The following SCUBE1 variants were observed in gnomAD, a reference collection of about 807,000 sequenced individuals.
SCUBE1 encodes the protein signal peptide, CUB and EGF-like domain-containing protein 1.
A neutral mutation model predicts 124.4 loss-of-function variants in SCUBE1; 59 were observed. The ratio of observed to expected loss-of-function variants is 0.47; its 90% CI spans 0.38 to 0.59. SCUBE1 has a LOEUF of 0.59. Ranked by LOEUF, SCUBE1 falls within the 20% of genes least tolerant of loss-of-function variation. The pLI is 0.00. For synonymous variants in SCUBE1, 545 were observed against 550.9 expected, an observed-to-expected ratio of 0.99 and a Z score of 0.15; for missense variants, 1,150 against 1,371.2, an observed-to-expected ratio of 0.84 and a Z score of 2.55.
At chr22:43,319,612 G>A (rs979819707) in intron 3 of SCUBE1, among the ~76,000 whole-genome samples, 20 of 143,290 alleles carry the variant, frequency 1.4e-4, no homozygotes, top group Admixed American at 9.8e-4. Context: ...AGAGACACTA[G>A]ACACTTGCAT....
At chr22:43,230,287 C>T (rs1468429960) in intron 8 of SCUBE1, among the ~76,000 whole-genome samples, 2 of 152,124 alleles carry the variant, frequency 1.3e-5, no homozygotes, top group Admixed American at 1.3e-4. Context: ...CTCCTAGGAG[C>T]CACCCTGGCA....
intron 7 of SCUBE1, chr22:43,238,610 G>A (rs992282081): frequency 6.4e-6 from 4 of 621,614 alleles, no homozygotes; most frequent in South Asian, 3.8e-5. Context: ...ACCTGCTGAT[G>A]TGCCGTGGGA....
At chr22:43,208,711 A>G (rs1011330958) in intron 19 of SCUBE1, among the ~76,000 whole-genome samples, 1 of 152,034 alleles carries the variant, frequency 6.6e-6, no homozygotes, top group Non-Finnish European at 1.5e-5. Context: ...GAGCAAATAC[A>G]CCAGCAAGGC....
intron 6 of SCUBE1, among the ~76,000 whole-genome samples, chr22:43,252,878 G>A (rs554333551): frequency 7.0e-4 from 103 of 147,272 alleles, no homozygotes; most frequent in Middle Eastern, 4.6e-3. Flanking sequence ...GGATGGGAAC[G>A]GTCACCTCCC....
At chr22:43,239,096 C>T (rs928991918) in intron 6 of SCUBE1, 142 bp from the exon 7 acceptor site, 2 of 649,042 alleles carry the variant, frequency 3.1e-6, no homozygotes, top group African/African-American at 3.6e-5. Context: ...GGCTGTGGGA[C>T]TCTAGGGAAG....
intron 8 of SCUBE1, among the ~76,000 whole-genome samples, chr22:43,230,723 C>A (rs1008854374): frequency 8.5e-5 from 13 of 152,310 alleles, no homozygotes; most frequent in African/African-American, 3.1e-4. Context: ...AGAGGCTGAG[C>A]CTGGGGAAGG....
intron 4 of SCUBE1, among the ~76,000 whole-genome samples, chr22:43,273,124 T>C (rs1482322079): frequency 6.6e-6 from 1 of 152,160 alleles, no homozygotes. Context: ...GGAGGAAGGG[T>C]GTCCAACCCC....
intron 1 of SCUBE1, 80 bp from the exon 2 acceptor site, chr22:43,339,315 C>G (rs962769990): frequency 7.0e-7 from 1 of 1,428,674 alleles, no homozygotes; most frequent in African/African-American, 1.4e-5. Context: ...GCAGGGGGAG[C>G]TCTTGCCTTT....
Position 43,220,723 on chromosome 22 carries a change from G to A in SCUBE1, c.1550-136C>T, listed in dbSNP as rs1033892015. 8 of 1,139,958 alleles carry A rather than the reference G, an allele frequency of 7.0e-6. No individual in the cohort carries two copies. The African/African-American group carries it at 7.8e-5, about 11-fold the overall frequency. The allele number at this position is 1,139,958 out of a possible 1,614,324, so 70.6% of individuals were successfully genotyped here. A position where few individuals can be genotyped will look rare whatever the true frequency, so the allele number is the denominator to read the frequency against. On this transcript the variant is annotated intron_variant, in intron 13 of 21. Coordinates refer to ENST00000360835, the MANE Select transcript of SCUBE1 (RefSeq NM_173050.5). ...AGACGGAAAAACTCAGGCTAGAGAA[G>A]GTCAGGGCTGGCTCGGGGTCTCAGG...
intron 12 of SCUBE1, among the ~76,000 whole-genome samples, chr22:43,222,370 C>T (rs904922666): frequency 4.6e-5 from 7 of 152,344 alleles, no homozygotes; most frequent in Middle Eastern, 3.4e-3. Flanking sequence ...ACTCACAGCA[C>T]GTTAGAGTCC....
At chr22:43,268,087 C>A (rs1924145661) in intron 4 of SCUBE1, among the ~76,000 whole-genome samples, 1 of 152,210 alleles carries the variant, frequency 6.6e-6, no homozygotes, top group Non-Finnish European at 1.5e-5. Flanking sequence ...CAGGTCCATG[C>A]AGCCAGTGGC....
intron 3 of SCUBE1, among the ~76,000 whole-genome samples, chr22:43,311,995 G>A (rs541846146): frequency 3.3e-4 from 50 of 152,250 alleles, no homozygotes; most frequent in African/African-American, 1.2e-3. Context: ...TTTGCGTTAG[G>A]GTGTGTTGAG....
intron 3 of SCUBE1, among the ~76,000 whole-genome samples, chr22:43,319,295 G>A (rs1017088499): frequency 6.6e-6 from 1 of 152,136 alleles, no homozygotes; most frequent in Non-Finnish European, 1.5e-5. Context: ...GGCCGGGCAA[G>A]GTGGCTCACG....
In SCUBE1 at chr22:43,218,327, G is replaced by C. The variant is rs376773433; in HGVS notation, c.1819C>G (p.Gln607Glu). 3.1e-6 allele frequency: 5 copies of C among 1,613,276 alleles called. No individual in the cohort carries two copies. The African/African-American group carries it at 6.7e-5, about 22-fold the overall frequency. ...CCCTCCAGCGCCTTGGCTGGCCTCT[G>C]GGCTACCTCGTACTCAGTGCCTGAG... ...QVSGTEYEVA[Q>E]RPAKALEGQG... Residue 607 changes from glutamine (Q) to glutamate (E), a missense_variant, in exon 15 of 22, where the codon CAG becomes GAG. Around this residue, in one of 3 missense-constraint regions of SCUBE1, gnomAD observed 757 missense variants for 840.9 expected, o/e 0.90. Transcript: ENST00000360835.
At chr22:43,271,198 T>TG (rs1263255986) in intron 4 of SCUBE1, among the ~76,000 whole-genome samples, 3 of 152,208 alleles carry the variant, frequency 2.0e-5, no homozygotes, top group Non-Finnish European at 2.9e-5. Context: ...GGGCCATGCC[T>TG]GGGGCTCCCC....
intron 10 of SCUBE1, among the ~76,000 whole-genome samples, chr22:43,224,784 G>A (rs1922237644): frequency 6.6e-6 from 1 of 152,116 alleles, no homozygotes. Flanking sequence ...GTCATGCTAA[G>A]CACACACTTT....
intron 4 of SCUBE1, among the ~76,000 whole-genome samples, chr22:43,281,486 T>TCAGCCACCCTCC (rs1924868238): frequency 1.5e-5 from 1 of 64,820 alleles, no homozygotes; most frequent in African/African-American, 1.3e-4. Context: ...ACCTCCCTCT[T>TCAGCCACCCTCC]TGGCCACCCT....
At chr22:43,294,190 C>T (rs1311700615) in intron 3 of SCUBE1, among the ~76,000 whole-genome samples, 1 of 152,260 alleles carries the variant, frequency 6.6e-6, no homozygotes, top group African/African-American at 2.4e-5. Flanking sequence ...GCGGTCCAAA[C>T]AGGCCTCACC....
intron 4 of SCUBE1, among the ~76,000 whole-genome samples, 156 bp downstream of exon 4, chr22:43,290,890 A>G (rs950073975): frequency 3.3e-5 from 5 of 152,256 alleles, no homozygotes; most frequent in African/African-American, 9.6e-5. Context: ...AGGCCCATGC[A>G]GAACCAATAC....
Sources: allele counts gnomAD v4.1 joint callset (sites outside exome capture counted in the v4.1 genomes callset), GRCh38; gene constraint gnomAD v4.1.1; regional missense constraint gnomAD v4.1.1; transcripts MANE v1.5; gene names NCBI Gene and HGNC (gene_info 2026-07-23, HGNC 2026-07-21).